ARMH4: variants seen among roughly 807,000 people sequenced by gnomAD.
The protein encoded by ARMH4 is armadillo-like helical domain-containing protein 4.
ARMH4 carries 49 observed loss-of-function variants against 61.9 expected under a neutral mutation model. The ratio of observed to expected loss-of-function variants is 0.79; its 90% CI spans 0.63 to 1.00. The LOEUF (loss-of-function observed/expected upper bound fraction) is 1.00. Ranked by LOEUF, ARMH4 falls within the 50% of genes least tolerant of loss-of-function variation. The probability of loss-of-function intolerance (pLI) is 0.00; values close to 1 mark genes in which losing one functional copy is unlikely to be tolerated. For missense variants in ARMH4, 934 were observed against 930.0 expected, an observed-to-expected ratio of 1.00 and a Z score of -0.06; for synonymous variants, 368 against 341.5, an observed-to-expected ratio of 1.08 and a Z score of -0.85.
At position 58,042,247 on chromosome 14, in the gene ARMH4, G is replaced by A. The variant is rs568953705; in HGVS notation, c.2090-30097C>T. On this transcript the variant is annotated intron_variant, in intron 5 of 7. Coordinates refer to ENST00000267485, the MANE Select transcript of ARMH4 (RefSeq NM_001001872.4). The stretch of plus-strand genomic sequence containing the variant: ...AAAAGGACAGAAATTATAACAAACT[G>A]TCTCTCAGACCACAATGCAATCAAA... 5.9e-5 allele frequency among the ~76,000 whole-genome samples: 9 copies of A among 152,278 alleles called. No homozygotes were observed. The East Asian group carries it at 1.5e-3, about 26-fold the overall frequency.
At chr14:58,116,524 A>G in intron 4 of ARMH4, 1 of 238,324 alleles carries the variant, frequency 4.2e-6, no homozygotes, top group Non-Finnish European at 9.0e-6. Flanking sequence ...AAAAATACAA[A>G]AGTTGGCTGG....
At position 58,012,161 on chromosome 14, in the gene ARMH4, A is replaced by G; in HGVS notation, c.2090-11T>C. 7.3e-7 allele frequency: 1 copy of G among 1,370,080 alleles called. No individual in the cohort carries two copies. Among genetic ancestry groups the G allele is most frequent in the Non-Finnish European group, 1.0e-6 (1 of 985,644 alleles). 84.9% of individuals were successfully genotyped at this position (1,370,080 alleles called of 1,614,324 possible). On this transcript the variant is annotated splice_polypyrimidine_tract_variant and intron_variant, in intron 5 of 7. Transcript: ENST00000267485. The stretch of plus-strand genomic sequence containing the variant: ...CCATCCAGCTTCTCACTAGGAAAAA[A>G]ATAAGATAATAAAATGAAATAACCA...
chr14:58,003,717 C>T lies in ARMH4; in HGVS notation c.*1019G>A, dbSNP rs954737692. 1 of 152,192 alleles carries T rather than the reference C, an allele frequency of 6.6e-6. No homozygotes were observed. Among genetic ancestry groups the T allele is most frequent in the Non-Finnish European group, 1.5e-5 (1 of 68,052 alleles). The allele number at this position is 152,192 out of a possible 1,614,324, so 9.4% of individuals were successfully genotyped here. A position where few individuals can be genotyped will look rare whatever the true frequency, so the allele number is the denominator to read the frequency against. The stretch of plus-strand genomic sequence containing the variant: ...ATGAGCTCTGTTGTTCACCAGGACT[C>T]TGGCCACTGGGCAGACAAACGATAG... On this transcript the variant is annotated 3_prime_UTR_variant, in exon 8 of 8. Transcript: ENST00000267485.
At chr14:58,050,196 C>T (rs1884090280) in intron 5 of ARMH4, among the ~76,000 whole-genome samples, 2 of 152,210 alleles carry the variant, frequency 1.3e-5, no homozygotes, top group African/African-American at 4.8e-5. Flanking sequence ...GCTCTTTCAA[C>T]TGGGAAAGCA....
chr14:58,068,664 G>A (rs1465925739), intron 5 of ARMH4, among the ~76,000 whole-genome samples: 2 of 152,084 alleles, frequency 1.3e-5, no homozygotes, highest in Admixed American at 6.6e-5. Flanking sequence ...TCCAACTCTT[G>A]GAACTGAATT....
intron 1 of ARMH4, among the ~76,000 whole-genome samples, chr14:58,151,155 T>C (rs1280813841): frequency 6.6e-6 from 1 of 152,210 alleles, no homozygotes; most frequent in Non-Finnish European, 1.5e-5. Context: ...ATCTCTCCTC[T>C]CTTCCACATC....
intron 5 of ARMH4, among the ~76,000 whole-genome samples, chr14:58,061,286 C>T (rs1209202264): frequency 6.6e-6 from 1 of 152,174 alleles, no homozygotes; most frequent in Non-Finnish European, 1.5e-5. Flanking sequence ...CTGGCCAGTC[C>T]TTCCTCCAAG....
chr14:58,142,753 T>A (rs1887608282), intron 1 of ARMH4, among the ~76,000 whole-genome samples: 1 of 152,160 alleles, frequency 6.6e-6, no homozygotes. Flanking sequence ...ATTACAAGCG[T>A]GAGCTCCCCT....
At chr14:58,114,594 C>T (rs931613250) in intron 4 of ARMH4, among the ~76,000 whole-genome samples, 2 of 152,172 alleles carry the variant, frequency 1.3e-5, no homozygotes, top group African/African-American at 4.8e-5. Context: ...CAAAATCATC[C>T]ATTTTATCTA....
intron 5 of ARMH4, among the ~76,000 whole-genome samples, chr14:58,015,349 G>C (rs1051611532): frequency 1.3e-5 from 2 of 152,154 alleles, no homozygotes; most frequent in African/African-American, 4.8e-5. Context: ...TGGAGAGAGA[G>C]GATAGTGAGT....
intron 5 of ARMH4, among the ~76,000 whole-genome samples, chr14:58,072,178 C>G (rs1884901849): frequency 6.6e-6 from 1 of 152,206 alleles, no homozygotes; most frequent in Non-Finnish European, 1.5e-5. Context: ...TAAAGCCTAG[C>G]AAGTCCCTCA....
At chr14:58,148,022 T>C (rs963374006) in intron 1 of ARMH4, among the ~76,000 whole-genome samples, 11 of 152,194 alleles carry the variant, frequency 7.2e-5, no homozygotes, top group African/African-American at 2.7e-4. Flanking sequence ...TTATGTGCCA[T>C]ACTCATCTCA....
In ARMH4 at chr14:58,067,140, T is replaced by G. The variant is rs369950898; in HGVS notation, c.2089+29584A>C. Among the ~76,000 whole-genome samples, 5 of 152,372 alleles carry G rather than the reference T, an allele frequency of 3.3e-5. No individual in the cohort carries two copies. The South Asian group carries it at 8.3e-4, about 25-fold the overall frequency. On this transcript the variant is annotated intron_variant, in intron 5 of 7. Coordinates refer to ENST00000267485, the MANE Select transcript of ARMH4 (RefSeq NM_001001872.4). Reference sequence around the variant, plus strand: ...CAGCAGGATGGGGTTTCTTCATCTTTTATCTGCTTTGTACCCTTCCATCTT... The same window carrying G: ...CAGCAGGATGGGGTTTCTTCATCTTGTATCTGCTTTGTACCCTTCCATCTT...
At chr14:58,040,360 TG>T (rs1179216116) in intron 5 of ARMH4, among the ~76,000 whole-genome samples, 1 of 151,468 alleles carries the variant, frequency 6.6e-6, no homozygotes, top group East Asian at 2.0e-4. Context: ...TTCCCCGCCA[TG>T]TGTCCATGTG....
chr14:58,014,293 A>G (rs1409605005), intron 5 of ARMH4, among the ~76,000 whole-genome samples: 3 of 152,132 alleles, frequency 2.0e-5, no homozygotes, highest in African/African-American at 7.2e-5. Context: ...GGTGGTGATC[A>G]ATCAGGATAA....
chr14:58,007,011 G>A, intron 6 of ARMH4, among the ~76,000 whole-genome samples: 1 of 152,190 alleles, frequency 6.6e-6, no homozygotes, highest in East Asian at 1.9e-4. Context: ...TAAAAACTCT[G>A]CAATTTTCCA....
rs138834768 is a variant in ARMH4 at position 58,023,768 on chromosome 14, C to T, written c.2090-11618G>A. ...TAAGACATGAAGGTCAAAATTATTC[C>T]TTGATCCATGAACTGCAGAATGGAC... On this transcript the variant is annotated intron_variant, in intron 5 of 7. Coordinates refer to ENST00000267485, the MANE Select transcript of ARMH4 (RefSeq NM_001001872.4). Among the ~76,000 whole-genome samples, 1,235 of 152,270 alleles carry T rather than the reference C, an allele frequency of 8.1e-3. 6 individuals are homozygous for T. Among genetic ancestry groups the T allele is most frequent in the Admixed American group, 0.01 (159 of 15,280 alleles).
At chr14:58,015,066 T>C (rs1882557424) in intron 5 of ARMH4, among the ~76,000 whole-genome samples, 1 of 152,150 alleles carries the variant, frequency 6.6e-6, no homozygotes, top group Non-Finnish European at 1.5e-5. Context: ...GCTTGTGTAC[T>C]GTAGGAAGCT....
chr14:58,074,766 T>C (rs984263296), intron 5 of ARMH4, among the ~76,000 whole-genome samples: 1 of 152,196 alleles, frequency 6.6e-6, no homozygotes, highest in Non-Finnish European at 1.5e-5. Context: ...TTTGAGCATA[T>C]GAAAATATTG....
Sources: gnomAD v4.1 joint callset for allele counts (sites outside exome capture counted in the v4.1 genomes callset) on GRCh38, gnomAD v4.1.1 for gene constraint, MANE v1.5 for transcripts, NCBI Gene and HGNC (gene_info 2026-07-23, HGNC 2026-07-21) for gene names.